CNTN5: variants seen among roughly 807,000 people sequenced by gnomAD.
The protein encoded by CNTN5 is contactin-5.
Under a neutral mutation model 129.1 loss-of-function variants are expected in CNTN5, and 77 were observed. The observed-to-expected ratio is 0.60, with a 90% CI of 0.50 to 0.72. The LOEUF (loss-of-function observed/expected upper bound fraction) is 0.72. Among genes scored for constraint, CNTN5 ranks in the 30% least tolerant of loss-of-function variants. The pLI, the probability that CNTN5 is intolerant of heterozygous loss-of-function variation, is 0.00. For missense variants in CNTN5, 1,478 were observed against 1,328.8 expected (o/e 1.11, Z -1.75); for synonymous variants, 509 against 465.6 (o/e 1.09, Z -1.20).
chr11:100,002,170 T>A, intron 9 of CNTN5, 34 bp downstream of exon 9: 1 of 1,328,746 alleles, frequency 7.5e-7, no homozygotes, highest in Admixed American at 3.2e-5. Flanking sequence ...TAAACACAAT[T>A]TTTTATTAAA....
chr11:99,600,868 T>C (rs914391973), intron 3 of CNTN5, among the ~76,000 whole-genome samples: 4 of 152,352 alleles, frequency 2.6e-5, no homozygotes, highest in Admixed American at 1.3e-4. Context: ...AAAGGTATTT[T>C]GGGTCCAGTT....
intron 3 of CNTN5, among the ~76,000 whole-genome samples, chr11:99,773,282 C>T (rs1945006383): frequency 6.6e-6 from 1 of 152,086 alleles, no homozygotes; most frequent in African/African-American, 2.4e-5. Context: ...AACACCAGTG[C>T]AAATCCCCAA....
chr11:99,736,583 C>T (rs908992833), intron 3 of CNTN5, among the ~76,000 whole-genome samples: 1 of 152,088 alleles, frequency 6.6e-6, no homozygotes, highest in African/African-American at 2.4e-5. Flanking sequence ...TTTCTTACAT[C>T]CAAGATCTAG....
intron 13 of CNTN5, among the ~76,000 whole-genome samples, chr11:100,122,982 T>A (rs970490793): frequency 6.6e-6 from 1 of 152,082 alleles, no homozygotes; most frequent in African/African-American, 2.4e-5. Flanking sequence ...TTGACTGATT[T>A]GCTGTGTGTG....
intron 8 of CNTN5, among the ~76,000 whole-genome samples, chr11:99,981,098 A>ATATATATATATATATATATT (rs1160392030): frequency 0.011 from 649 of 60,568 alleles, 12 homozygotes; most frequent in Non-Finnish European, 0.015. Context: ...ATATATATAT[A>ATATATATATATATATATATT]TATATACACA....
intron 20 of CNTN5, among the ~76,000 whole-genome samples, chr11:100,301,703 A>C (rs930666235): frequency 1.3e-5 from 2 of 151,644 alleles, no homozygotes; most frequent in African/African-American, 4.8e-5. Context: ...AAGGGAAAAG[A>C]AAAGCATTAA....
intron 3 of CNTN5, among the ~76,000 whole-genome samples, chr11:99,623,506 G>T (rs1346678182): frequency 6.6e-6 from 1 of 151,948 alleles, no homozygotes; most frequent in Non-Finnish European, 1.5e-5. Flanking sequence ...GTGTATCTAA[G>T]AAAATTGCTG....
At chr11:99,024,188 C>A (rs964796407) in intron 1 of CNTN5, among the ~76,000 whole-genome samples, 2 of 152,094 alleles carry the variant, frequency 1.3e-5, no homozygotes, top group East Asian at 3.9e-4. Flanking sequence ...GAACTATATT[C>A]CATCTCCCTA....
chr11:99,418,294 A>G (rs1942748348), intron 2 of CNTN5, among the ~76,000 whole-genome samples: 1 of 152,180 alleles, frequency 6.6e-6, no homozygotes, highest in South Asian at 2.1e-4. Flanking sequence ...AAAAAAAGGT[A>G]TGAGTTATTC....
chr11:99,184,978 A>G (rs941617090), intron 1 of CNTN5, among the ~76,000 whole-genome samples: 1 of 93,040 alleles, frequency 1.1e-5, no homozygotes, highest in South Asian at 3.8e-4. Flanking sequence ...GATGATAAAG[A>G]AACTTGAACT....
intron 1 of CNTN5, among the ~76,000 whole-genome samples, chr11:99,162,087 AC>A (rs1471572681): frequency 1.3e-5 from 2 of 152,092 alleles, no homozygotes; most frequent in Non-Finnish European, 2.9e-5. Flanking sequence ...GGTTAATAGA[AC>A]CTCCTTTTTT....
intron 3 of CNTN5, among the ~76,000 whole-genome samples, chr11:99,658,252 A>G (rs1056379410): frequency 2.0e-5 from 3 of 152,130 alleles, no homozygotes; most frequent in Non-Finnish European, 4.4e-5. Flanking sequence ...TGTTTAGAGT[A>G]TATGATTCTG....
At chr11:99,455,626 C>T (rs1944469657) in intron 2 of CNTN5, among the ~76,000 whole-genome samples, 1 of 152,056 alleles carries the variant, frequency 6.6e-6, no homozygotes, top group Non-Finnish European at 1.5e-5. Context: ...AAATTCAATA[C>T]TGAAGTCACT....
intron 8 of CNTN5, among the ~76,000 whole-genome samples, chr11:99,966,486 G>T (rs768777658): frequency 1.3e-5 from 2 of 152,312 alleles, no homozygotes; most frequent in South Asian, 4.1e-4. Context: ...AATGCACTCA[G>T]AATGGTCACC....
intron 3 of CNTN5, among the ~76,000 whole-genome samples, chr11:99,684,599 C>A (rs1311701573): frequency 6.6e-6 from 1 of 151,864 alleles, no homozygotes; most frequent in Non-Finnish European, 1.5e-5. Context: ...TCTTTTCACA[C>A]ACCTTTTATA....
intron 2 of CNTN5, among the ~76,000 whole-genome samples, chr11:99,373,192 A>G (rs1033805156): frequency 2.6e-5 from 4 of 152,116 alleles, no homozygotes; most frequent in African/African-American, 9.7e-5. Flanking sequence ...CAGGGTGACA[A>G]GAACGAAACT....
At chr11:99,209,092 G>C (rs1591361326) in intron 1 of CNTN5, among the ~76,000 whole-genome samples, 1 of 151,742 alleles carries the variant, frequency 6.6e-6, no homozygotes, top group Non-Finnish European at 1.5e-5. Context: ...ACCTTATTTT[G>C]CTGTGAATTG....
intron 2 of CNTN5, among the ~76,000 whole-genome samples, chr11:99,358,439 C>G (rs996229777): frequency 6.6e-6 from 1 of 150,776 alleles, no homozygotes; most frequent in Non-Finnish European, 1.5e-5. Context: ...TGTGCACCTG[C>G]AGTCCCAGTT....
chr11:100,198,443 C>A (rs1319074119), intron 15 of CNTN5, among the ~76,000 whole-genome samples: 2 of 151,620 alleles, frequency 1.3e-5, no homozygotes, highest in Non-Finnish European at 1.5e-5. Flanking sequence ...CAATAGCTCA[C>A]TGATTCCTCT....
Sources: gnomAD v4.1 joint callset for allele counts (sites outside exome capture counted in the v4.1 genomes callset) on GRCh38, gnomAD v4.1.1 for gene constraint, MANE v1.5 for transcripts, NCBI Gene and HGNC (gene_info 2026-07-23, HGNC 2026-07-21) for gene names.